The following ZCCHC7 variants were observed in gnomAD, a reference collection of about 807,000 sequenced individuals.
The protein encoded by ZCCHC7 is zinc finger CCHC domain-containing protein 7.
In ZCCHC7, 35 loss-of-function variants were observed where a neutral mutation model predicts 52.0. That is an observed-to-expected ratio of 0.67 (90% CI 0.51 to 0.89). The LOEUF is 0.89. Among genes scored for constraint, ZCCHC7 ranks in the 40% least tolerant of loss-of-function variants. The probability of loss-of-function intolerance (pLI) is 0.00; values close to 1 mark genes in which losing one functional copy is unlikely to be tolerated. For synonymous variants in ZCCHC7, 217 were observed against 221.5 expected (o/e 0.98, Z 0.18); for missense variants, 574 against 649.1 (o/e 0.88, Z 1.26).
intron 2 of ZCCHC7, among the ~76,000 whole-genome samples, chr9:37,204,713 TGTA>T (rs1351809090): frequency 1.3e-5 from 2 of 151,668 alleles, no homozygotes; most frequent in Admixed American, 1.3e-4. Flanking sequence ...ACTGTAGCCT[TGTA>T]GTATAGTTTG....
intron 1 of ZCCHC7, among the ~76,000 whole-genome samples, chr9:37,121,864 C>A (rs978062482): frequency 2.0e-5 from 3 of 152,292 alleles, no homozygotes; most frequent in Non-Finnish European, 4.4e-5. Flanking sequence ...TTTTGTTTTA[C>A]ACATTTGGAT....
intron 6 of ZCCHC7, among the ~76,000 whole-genome samples, chr9:37,340,260 G>T (rs1480101381): frequency 6.6e-6 from 1 of 152,084 alleles, no homozygotes; most frequent in East Asian, 1.9e-4. Context: ...GAGTTTACTG[G>T]TGCATGAAAA....
intron 8 of ZCCHC7, among the ~76,000 whole-genome samples, chr9:37,355,580 A>G (rs986536451): frequency 3.3e-5 from 5 of 152,228 alleles, no homozygotes; most frequent in South Asian, 2.1e-4. Context: ...CATATTTTAC[A>G]TATTTAATAT....
At chr9:37,325,089 CTG>C (rs1309860289) in intron 5 of ZCCHC7, among the ~76,000 whole-genome samples, 3 of 152,206 alleles carry the variant, frequency 2.0e-5, no homozygotes, top group African/African-American at 7.2e-5. Flanking sequence ...GTGTGGCAAA[CTG>C]TGTTGATTCA....
intron 2 of ZCCHC7, among the ~76,000 whole-genome samples, chr9:37,261,545 A>G (rs1473174627): frequency 1.3e-5 from 2 of 152,236 alleles, no homozygotes; most frequent in Non-Finnish European, 2.9e-5. Flanking sequence ...TGAGCAAGAT[A>G]CTGATTCCTT....
chr9:37,225,140 A>T (rs1825028506), intron 2 of ZCCHC7, among the ~76,000 whole-genome samples: 1 of 152,250 alleles, frequency 6.6e-6, no homozygotes, highest in Admixed American at 6.5e-5. Flanking sequence ...AAGAAGACAT[A>T]AATTACCATC....
At chr9:37,194,315 T>C (rs1189425015) in intron 2 of ZCCHC7, among the ~76,000 whole-genome samples, 8 of 152,208 alleles carry the variant, frequency 5.3e-5, no homozygotes, top group African/African-American at 1.2e-4. Context: ...TAAGAGACTT[T>C]AGAGCTTACT....
At position 37,305,723 on chromosome 9, in the gene ZCCHC7, C is replaced by A; in HGVS notation, c.951+9C>A. 4 of 1,612,338 alleles carry A rather than the reference C, an allele frequency of 2.5e-6. No homozygotes were observed. Among genetic ancestry groups the A allele is most frequent in the Non-Finnish European group, 3.4e-6 (4 of 1,178,774 alleles). On this transcript the variant is annotated intron_variant, in intron 5 of 8. Transcript: ENST00000336755. ...TAGGCCACTATACAGATGTGAGTAT[C>A]CTGCATATAACTAATTTGTCAGGCT...
intron 2 of ZCCHC7, among the ~76,000 whole-genome samples, chr9:37,268,212 A>G (rs1015751836): frequency 1.3e-5 from 2 of 152,136 alleles, no homozygotes; most frequent in Non-Finnish European, 2.9e-5. Context: ...TTTTTGTGAA[A>G]GCTCTTGGTA....
chr9:37,141,817 G>C (rs1843238707), intron 2 of ZCCHC7, among the ~76,000 whole-genome samples: 1 of 151,734 alleles, frequency 6.6e-6, no homozygotes, highest in South Asian at 2.1e-4. Flanking sequence ...TTTTTACTTT[G>C]ACCAGATCTT....
At chr9:37,151,629 A>G (rs942222096) in intron 2 of ZCCHC7, among the ~76,000 whole-genome samples, 3 of 151,934 alleles carry the variant, frequency 2.0e-5, no homozygotes, top group African/African-American at 7.3e-5. Context: ...ACATGGTGAA[A>G]CCCTGTTTCT....
chr9:37,308,421 G>A (rs1426888512), intron 5 of ZCCHC7, among the ~76,000 whole-genome samples: 1 of 152,048 alleles, frequency 6.6e-6, no homozygotes, highest in Non-Finnish European at 1.5e-5. Flanking sequence ...AGGGGAGTAA[G>A]ACATTATCAT....
At chr9:37,162,847 T>A (rs536665213) in intron 2 of ZCCHC7, among the ~76,000 whole-genome samples, 2 of 152,116 alleles carry the variant, frequency 1.3e-5, no homozygotes, top group Admixed American at 1.3e-4. Context: ...CTGAGGTGGT[T>A]GGACCACCTG....
intron 2 of ZCCHC7, among the ~76,000 whole-genome samples, chr9:37,190,796 ATCACCTGAAG>A (rs1822976208): frequency 6.6e-6 from 1 of 152,170 alleles, no homozygotes; most frequent in East Asian, 1.9e-4. Flanking sequence ...AGGCGGGTGG[ATCACCTGAAG>A]TCAGGAGTTC....
intron 2 of ZCCHC7, among the ~76,000 whole-genome samples, chr9:37,210,936 T>C (rs1411524906): frequency 6.6e-6 from 1 of 152,198 alleles, no homozygotes; most frequent in Non-Finnish European, 1.5e-5. Context: ...TGTCTCTGCC[T>C]CTTTCTCCTG....
intron 2 of ZCCHC7, among the ~76,000 whole-genome samples, chr9:37,196,924 G>C (rs908834517): frequency 6.6e-6 from 1 of 152,038 alleles, no homozygotes; most frequent in African/African-American, 2.4e-5. Flanking sequence ...TTGTATTAAT[G>C]ACAACATTAG....
At chr9:37,213,887 C>A (rs148221584) in intron 2 of ZCCHC7, among the ~76,000 whole-genome samples, 153 of 152,030 alleles carry the variant, frequency 1.0e-3, no homozygotes, top group African/African-American at 3.5e-3. Flanking sequence ...TGGCTCAGTG[C>A]AGAGTAAATC....
chr9:37,165,117 AATG>A (rs1321003621), intron 2 of ZCCHC7, among the ~76,000 whole-genome samples: 1 of 152,252 alleles, frequency 6.6e-6, no homozygotes, highest in Non-Finnish European at 1.5e-5. Context: ...GCTATTGTGA[AATG>A]ATACCAGTTT....
intron 2 of ZCCHC7, among the ~76,000 whole-genome samples, chr9:37,277,377 C>T (rs982373842): frequency 7.2e-5 from 11 of 152,080 alleles, no homozygotes; most frequent in African/African-American, 1.9e-4. Flanking sequence ...CTGGATGGCT[C>T]ATGCGTATTA....
Sources: gnomAD v4.1 joint callset for allele counts (sites outside exome capture counted in the v4.1 genomes callset) on GRCh38, gnomAD v4.1.1 for gene constraint, MANE v1.5 for transcripts, NCBI Gene and HGNC (gene_info 2026-07-23, HGNC 2026-07-21) for gene names.